The following BRIP1 variants were observed in gnomAD, a reference collection of about 807,000 sequenced individuals.
BRIP1 encodes the protein Fanconi anemia group J protein.
A neutral mutation model predicts 119.7 loss-of-function variants in BRIP1; 88 were observed. That is an observed-to-expected ratio of 0.74 (90% CI 0.62 to 0.88). The LOEUF (loss-of-function observed/expected upper bound fraction) is 0.88. BRIP1 is among the 40% of genes least tolerant of loss of function. The pLI is 0.00. For missense variants in BRIP1, 1,259 were observed against 1,455.4 expected (o/e 0.87, Z 2.20); for synonymous variants, 443 against 496.5 (o/e 0.89, Z 1.43).
chr17:61,807,175 A>G lies in BRIP1; in HGVS notation c.918+1292T>C, dbSNP rs1174295366. 6.6e-6 allele frequency among the ~76,000 whole-genome samples: 1 copy of G among 152,264 alleles called. No individual in the cohort carries two copies. The highest frequency in any genetic ancestry group is 1.9e-4 in the East Asian group (1 of 5,202). On this transcript the variant is annotated intron_variant, in intron 7 of 19. Coordinates refer to ENST00000259008, the MANE Select transcript of BRIP1 (RefSeq NM_032043.3). This position sits in a 1 kb window ranked among gnomAD's most constrained non-coding sequence, Gnocchi z 4.5. ...ACTATGGAAAGCAGTCTACTTATGCATGAAATTCATGGAGTTTTACCATAA... is the reference window on the plus strand; with the variant it reads ...ACTATGGAAAGCAGTCTACTTATGCGTGAAATTCATGGAGTTTTACCATAA...
At position 61,746,588 on chromosome 17, in the gene BRIP1, A is replaced by C. The variant is rs1603305291; in HGVS notation, c.2098-1997T>G. ...TAAGTCAAAAATTGTCACAAGAGAC[A>C]AAAAAAAAGGACATTATATAATGAT... On this transcript the variant is annotated intron_variant, in intron 14 of 19. Coordinates refer to ENST00000259008, the MANE Select transcript of BRIP1 (RefSeq NM_032043.3). This position sits in a 1 kb window ranked among gnomAD's most constrained non-coding sequence, Gnocchi z 4.9. 8.3e-5 allele frequency among the ~76,000 whole-genome samples: 1 copy of C among 11,986 alleles called. No individual in the cohort carries two copies. The highest frequency in any genetic ancestry group is 2.6e-4 in the African/African-American group (1 of 3,878). 7.9% of individuals were successfully genotyped at this position (11,986 alleles called of 152,430 possible).
Position 61,753,454 on chromosome 17 carries a change from G to C in BRIP1, c.2098-8863C>G, listed in dbSNP as rs1307430801. Among the ~76,000 whole-genome samples, 1 of 152,118 alleles carries C rather than the reference G, an allele frequency of 6.6e-6. No individual in the cohort carries two copies. The highest frequency in any genetic ancestry group is 1.5e-5 in the Non-Finnish European group (1 of 68,028). ...TATGGCAGTTGGGTATATGGGCATA[G>C]TACTTAAGGAAGAAGTCAGAATTTA... On this transcript the variant is annotated intron_variant, in intron 14 of 19. Coordinates refer to ENST00000259008, the MANE Select transcript of BRIP1 (RefSeq NM_032043.3). The surrounding 1 kb of genome is among the most constrained non-coding windows in gnomAD (Gnocchi z 4.6).
rs2078656353 is a variant in BRIP1 at position 61,841,490 on chromosome 17, C to T, written c.627+5611G>A. On this transcript the variant is annotated intron_variant, in intron 6 of 19. Transcript: ENST00000259008. The surrounding 1 kb of genome is among the most constrained non-coding windows in gnomAD (Gnocchi z 4.1). ...ATCAGGGAAATATAAATCAAAAGCA[C>T]AATAAGATATCATCTCACTCAGTTA... Among the ~76,000 whole-genome samples, 1 of 151,518 alleles carries T rather than the reference C, an allele frequency of 6.6e-6. No individual in the cohort carries two copies. The highest frequency in any genetic ancestry group is 1.5e-5 in the Non-Finnish European group (1 of 67,882).
rs2076766427 is a variant in BRIP1 at position 61,726,388 on chromosome 17, T to G, written c.2380-10325A>C. ...TTCTGAAACCCAGTGTAGGTTTCAG[T>G]GGACTTTAAATGCTGTCGTAATATA... On this transcript the variant is annotated intron_variant, in intron 16 of 19. Coordinates refer to ENST00000259008, the MANE Select transcript of BRIP1 (RefSeq NM_032043.3). The surrounding 1 kb of genome is among the most constrained non-coding windows in gnomAD (Gnocchi z 6.2). Among the ~76,000 whole-genome samples the G allele has an allele frequency of 6.6e-6, 1 of 152,182 alleles. No individual in the cohort carries two copies. Among genetic ancestry groups the G allele is most frequent in the Non-Finnish European group, 1.5e-5 (1 of 68,030 alleles).
At position 61,717,053 on chromosome 17, in the gene BRIP1, C is replaced by T. The variant is rs1424038977; in HGVS notation, c.2380-990G>A. 2.6e-5 allele frequency among the ~76,000 whole-genome samples: 4 copies of T among 151,952 alleles called. No individual in the cohort carries two copies. The highest frequency in any genetic ancestry group is 9.7e-5 in the African/African-American group (4 of 41,412). ...TAAAACATTTTGATTATGCTTTAAA[C>T]AGTACATTATCTTTTAATTTTAAAT... On this transcript the variant is annotated intron_variant, in intron 16 of 19. Transcript: ENST00000259008. This position sits in a 1 kb window ranked among gnomAD's most constrained non-coding sequence, Gnocchi z 4.1.
chr17:61,830,439 A>G (rs1488736304), intron 6 of BRIP1, among the ~76,000 whole-genome samples: 1 of 142,114 alleles, frequency 7.0e-6, no homozygotes, highest in Non-Finnish European at 1.5e-5. Flanking sequence ...AGATTAAGCA[A>G]AAAAAAGGAG....
In BRIP1 at chr17:61,815,520, C is replaced by T. The variant is rs2078223872; in HGVS notation, c.628-6763G>A. ...AGAGAATTTCATAAAGTTTCCTCCA[C>T]TGCTTCTGAACTCATTTCTATTTTA... On this transcript the variant is annotated intron_variant, in intron 6 of 19. Transcript: ENST00000259008. The surrounding 1 kb of genome is among the most constrained non-coding windows in gnomAD (Gnocchi z 4.1). 6.6e-6 allele frequency among the ~76,000 whole-genome samples: 1 copy of T among 152,152 alleles called. No homozygotes were observed. Among genetic ancestry groups the T allele is most frequent in the South Asian group, 2.1e-4 (1 of 4,820 alleles).
Position 61,843,750 on chromosome 17 carries a change from CTG to C in BRIP1, c.627+3349_627+3350del, listed in dbSNP as rs2078690206. On this transcript the variant is annotated intron_variant, in intron 6 of 19. Transcript: ENST00000259008. This position sits in a 1 kb window ranked among gnomAD's most constrained non-coding sequence, Gnocchi z 5.7. ...CATGCTTCCTGCACAGCCTACAGAA[CTG>C]TGAGTGAAAATAAACCTCTTTTCTT... Among the ~76,000 whole-genome samples, 1 of 152,242 alleles carries C rather than the reference CTG, an allele frequency of 6.6e-6. No homozygotes were observed. The highest frequency in any genetic ancestry group is 3.4e-3 in the Middle Eastern group (1 of 294).
intron 16 of BRIP1, among the ~76,000 whole-genome samples, chr17:61,727,690 G>A (rs555576459): frequency 1.1e-3 from 165 of 152,092 alleles, no homozygotes; most frequent in Middle Eastern, 6.8e-3. Flanking sequence ...TTGAGCCCAG[G>A]AGTTTGAGGC....
rs1555572413 is a variant in BRIP1, at chr17:61,683,305, A to T, written c.3741T>A (p.Gly1247=). ...SPSKNKGMFP[G]FK ...TGAGAGTTAAGTATTATTACTTAAA[A>T]CCAGGAAACATGCCTTTATTTTTGG... The change falls in exon 20 of 20, where the codon GGT becomes GGA. Residue 1247 remains glycine (G), a synonymous_variant. Transcript: ENST00000259008. The surrounding 1 kb of genome is among the most constrained non-coding windows in gnomAD (Gnocchi z 4.7). The T allele has an allele frequency of 8.7e-6, 14 of 1,608,894 alleles. No individual in the cohort carries two copies. The highest frequency in any genetic ancestry group is 1.2e-5 in the Non-Finnish European group (14 of 1,175,832).
In BRIP1 at chr17:61,739,596, C is replaced by T. The variant is rs7213587; in HGVS notation, c.2379+3417G>A. ...TGTTAATGTTACCTAAAGACTGCTA[C>T]GGACTAGAAAAATAAAAGAAAAATT... On this transcript the variant is annotated intron_variant, in intron 16 of 19. Coordinates refer to ENST00000259008, the MANE Select transcript of BRIP1 (RefSeq NM_032043.3). The surrounding 1 kb of genome is among the most constrained non-coding windows in gnomAD (Gnocchi z 6.0). 0.77 allele frequency among the ~76,000 whole-genome samples: 116,844 copies of T among 152,152 alleles called. 45,459 individuals are homozygous for T. The highest frequency in any genetic ancestry group is 0.82 in the African/African-American group (34,092 of 41,512).
In BRIP1 at chr17:61,861,968, A is replaced by T; in HGVS notation, c.-30-399T>A. On this transcript the variant is annotated intron_variant, in intron 1 of 19. Coordinates refer to ENST00000259008, the MANE Select transcript of BRIP1 (RefSeq NM_032043.3). This position sits in a 1 kb window ranked among gnomAD's most constrained non-coding sequence, Gnocchi z 4.5. The stretch of plus-strand genomic sequence containing the variant: ...CAGATGTAATCAACCTACAGAAACA[A>T]ATAAGTTCCTGAGGCCTCTCTCTCT... The T allele has an allele frequency of 4.6e-6, 1 of 216,772 alleles. No individual in the cohort carries two copies. The highest frequency in any genetic ancestry group is 5.3e-5 in the Admixed American group (1 of 18,996). 13.4% of individuals were successfully genotyped at this position (216,772 alleles called of 1,614,324 possible). A position where few individuals can be genotyped will look rare whatever the true frequency, so the allele number is the denominator to read the frequency against.
Position 61,851,387 on chromosome 17 carries a change from C to T in BRIP1, c.380-2131G>A, listed in dbSNP as rs1374469505. The stretch of plus-strand genomic sequence containing the variant: ...TTGAAAACCACTATACTCTAAAAAT[C>T]CTAATAGTTTTGCCTATCAGAAGTA... On this transcript the variant is annotated intron_variant, in intron 4 of 19. Transcript: ENST00000259008. The surrounding 1 kb of genome is among the most constrained non-coding windows in gnomAD (Gnocchi z 4.6). Among the ~76,000 whole-genome samples the T allele has an allele frequency of 6.6e-6, 1 of 152,104 alleles. No homozygotes were observed. The highest frequency in any genetic ancestry group is 1.5e-5 in the Non-Finnish European group (1 of 68,022).
At position 61,780,513 on chromosome 17, in the gene BRIP1, A is replaced by G; in HGVS notation, c.1795-112T>C. On this transcript the variant is annotated intron_variant, in intron 12 of 19. Transcript: ENST00000259008. The surrounding 1 kb of genome is among the most constrained non-coding windows in gnomAD (Gnocchi z 5.4). ...GAGGCTGAAGCAGGAAGATCGCTTG[A>G]GTCTAGGAGTCTGAGACCAGCCTGG... 1 of 978,286 alleles carries G rather than the reference A, an allele frequency of 1.0e-6. No individual in the cohort carries two copies. The highest frequency in any genetic ancestry group is 1.6e-6 in the Non-Finnish European group (1 of 622,438). 60.6% of individuals were successfully genotyped at this position (978,286 alleles called of 1,614,324 possible).
rs1258466061 is a variant in BRIP1 at position 61,700,470 on chromosome 17, G to A, written c.2493-6958C>T. On this transcript the variant is annotated intron_variant, in intron 17 of 19. Coordinates refer to ENST00000259008, the MANE Select transcript of BRIP1 (RefSeq NM_032043.3). This position sits in a 1 kb window ranked among gnomAD's most constrained non-coding sequence, Gnocchi z 4.1. The stretch of plus-strand genomic sequence containing the variant: ...CTGAAGGACAGTTTTGTTAGATATA[G>A]TATTCTTGGTTGACAGTCATTTTCT... Among the ~76,000 whole-genome samples the A allele has an allele frequency of 6.6e-6, 1 of 152,108 alleles. No homozygotes were observed. The highest frequency in any genetic ancestry group is 1.5e-5 in the Non-Finnish European group (1 of 68,020).
chr17:61,679,346 C>A lies in BRIP1; in HGVS notation c.*3950G>T, dbSNP rs1386025283. ...ATAGTAATAGTTTTATAACACAATT[C>A]TAGACAGTTTTAAATAATTTAATCA... On this transcript the variant is annotated 3_prime_UTR_variant, in exon 20 of 20. Transcript: ENST00000259008. The surrounding 1 kb of genome is among the most constrained non-coding windows in gnomAD (Gnocchi z 4.4). Among the ~76,000 whole-genome samples, 2 of 152,224 alleles carry A rather than the reference C, an allele frequency of 1.3e-5. No homozygotes were observed. Among genetic ancestry groups the A allele is most frequent in the East Asian group, 3.9e-4 (2 of 5,192 alleles).
In BRIP1 at chr17:61,807,202, G is replaced by A. The variant is rs1280675353; in HGVS notation, c.918+1265C>T. Among the ~76,000 whole-genome samples the A allele has an allele frequency of 6.6e-6, 1 of 152,138 alleles. No homozygotes were observed. ...GAAATTCATGGAGTTTTACCATAAAGAGCTTTATTTTATTATTTTTGAACA... is the reference window on the plus strand; with the variant it reads ...GAAATTCATGGAGTTTTACCATAAAAAGCTTTATTTTATTATTTTTGAACA... On this transcript the variant is annotated intron_variant, in intron 7 of 19. Transcript: ENST00000259008. This position sits in a 1 kb window ranked among gnomAD's most constrained non-coding sequence, Gnocchi z 4.5.
chr17:61,776,669 T>G lies in BRIP1; in HGVS notation c.1936-107A>C. ...AAGATCAAGCAACAAGTTTAACAAT[T>G]TATTTTTAAATTGTCAGGGGGTTTT... is the stretch of plus-strand genomic sequence containing the variant. On this transcript the variant is annotated intron_variant, in intron 13 of 19. Coordinates refer to ENST00000259008, the MANE Select transcript of BRIP1 (RefSeq NM_032043.3). The surrounding 1 kb of genome is among the most constrained non-coding windows in gnomAD (Gnocchi z 5.0). 8.1e-7 allele frequency: 1 copy of G among 1,231,042 alleles called. No homozygotes were observed. The highest frequency in any genetic ancestry group is 1.2e-6 in the Non-Finnish European group (1 of 843,276). The allele number at this position is 1,231,042 out of a possible 1,614,324, so 76.3% of individuals were successfully genotyped here.
In BRIP1 at chr17:61,780,898, C is replaced by T. The variant is rs768224857; in HGVS notation, c.1736G>A (p.Arg579His). ...GLLVLPKNKK[R>H]SRQKTAVHVL... ...ATGAACTGCAGTTTTCTGTCGTGAACGTTTCTTATTTTTTGGTAGAACCAA... is the reference window on the plus strand; with the variant it reads ...ATGAACTGCAGTTTTCTGTCGTGAATGTTTCTTATTTTTTGGTAGAACCAA... The change falls in exon 12 of 20, where the codon CGT (arginine) becomes CAT (histidine). Residue 579 changes from arginine (R) to histidine (H), a missense_variant. By Grantham distance (29) the Arg-to-His change is conservative. Coordinates refer to ENST00000259008, the MANE Select transcript of BRIP1 (RefSeq NM_032043.3). This position sits in a 1 kb window ranked among gnomAD's most constrained non-coding sequence, Gnocchi z 5.4. 18 of 1,614,144 alleles carry T rather than the reference C, an allele frequency of 1.1e-5. No individual in the cohort carries two copies. The South Asian group carries it at 1.3e-4, about 12-fold the overall frequency.
Sources: gnomAD v4.1 joint callset for allele counts (sites outside exome capture counted in the v4.1 genomes callset) on GRCh38, gnomAD v4.1.1 for gene constraint, Gnocchi (gnomAD v3.1) non-coding constraint, MANE v1.5 for transcripts, NCBI Gene and HGNC (gene_info 2026-07-23, HGNC 2026-07-21) for gene names.